EVI5: variants seen among roughly 807,000 people sequenced by gnomAD.
The protein encoded by EVI5 is ecotropic viral integration site 5 protein homolog.
Under a neutral mutation model 112.0 loss-of-function variants are expected in EVI5, and 73 were observed. That is an observed-to-expected ratio of 0.65 (90% CI 0.54 to 0.79). The LOEUF (loss-of-function observed/expected upper bound fraction) is 0.79, where lower values mean the gene tolerates loss of function less well. EVI5 is among the 30% of genes least tolerant of loss of function. The pLI, the probability that EVI5 is intolerant of heterozygous loss-of-function variation, is 0.00. For synonymous variants in EVI5, 305 were observed against 319.9 expected, an observed-to-expected ratio of 0.95 and a Z score of 0.50; for missense variants, 900 against 968.8, an observed-to-expected ratio of 0.93 and a Z score of 0.94.
At position 92,736,610 on chromosome 1, in the gene EVI5, A is replaced by C. The variant is rs767194013; in HGVS notation, c.-64T>G. The C allele has an allele frequency of 6.2e-7, 1 of 1,613,698 alleles. No individual in the cohort carries two copies. The highest frequency in any genetic ancestry group is 2.2e-5 in the East Asian group (1 of 44,882). The stretch of plus-strand genomic sequence containing the variant: ...AGAGAGTAGAGCTCAGCTTTTCTGC[A>C]ACTTTGTCTGTCGCCACCTAAGGAC... On this transcript the variant is annotated 5_prime_UTR_variant, in exon 2 of 20. Transcript: ENST00000684568.
At chr1:92,570,080 G>A (rs1270653213) in intron 18 of EVI5, among the ~76,000 whole-genome samples, 1 of 151,910 alleles carries the variant, frequency 6.6e-6, no homozygotes, top group Non-Finnish European at 1.5e-5. Flanking sequence ...AGTGAAACAG[G>A]AAGAATGTAG....
At chr1:92,677,413 A>G (rs1399568588) in intron 9 of EVI5, among the ~76,000 whole-genome samples, 195 bp from the exon 10 acceptor site, 1 of 152,234 alleles carries the variant, frequency 6.6e-6, no homozygotes, top group African/African-American at 2.4e-5. Context: ...TTTACAAATG[A>G]CAAAAATAAA....
intron 1 of EVI5, among the ~76,000 whole-genome samples, chr1:92,750,629 G>C (rs1680029350): frequency 6.6e-6 from 1 of 151,866 alleles, no homozygotes; most frequent in Non-Finnish European, 1.5e-5. Context: ...TAGAATTCCT[G>C]ACCCTCCTTT....
chr1:92,509,605 T>A lies in EVI5; in HGVS notation c.*4051A>T, dbSNP rs1282077399. 1 of 152,146 alleles carries A rather than the reference T, an allele frequency of 6.6e-6. No individual in the cohort carries two copies. Among genetic ancestry groups the A allele is most frequent in the South Asian group, 2.1e-4 (1 of 4,832 alleles). The allele number at this position is 152,146 out of a possible 1,614,324, so 9.4% of individuals were successfully genotyped here. A position where few individuals can be genotyped will look rare whatever the true frequency, so the allele number is the denominator to read the frequency against. ...ACACTACAGCCCCAAACTCCTGTAC[T>A]CTAGTGATCCTCCTGCCTCAGCCTC... On this transcript the variant is annotated 3_prime_UTR_variant, in exon 20 of 20. Transcript: ENST00000684568.
intron 5 of EVI5, among the ~76,000 whole-genome samples, chr1:92,700,354 T>C (rs1457616194): frequency 6.6e-6 from 1 of 152,222 alleles, no homozygotes; most frequent in Non-Finnish European, 1.5e-5. Flanking sequence ...TCAGACTCTC[T>C]GAGTTACATT....
At chr1:92,763,871 GAAGAA>G (rs1357050434) in intron 1 of EVI5, among the ~76,000 whole-genome samples, 1 of 152,060 alleles carries the variant, frequency 6.6e-6, no homozygotes, top group East Asian at 1.9e-4. Flanking sequence ...CTAAAGAAAG[GAAGAA>G]AAGAAGAGAA....
At chr1:92,626,338 T>G (rs952641918) in intron 14 of EVI5, among the ~76,000 whole-genome samples, 1 of 152,190 alleles carries the variant, frequency 6.6e-6, no homozygotes, top group African/African-American at 2.4e-5. Flanking sequence ...TTACTTCACT[T>G]AGAACAATGT....
intron 1 of EVI5, among the ~76,000 whole-genome samples, chr1:92,747,453 C>A (rs916916523): frequency 6.6e-6 from 1 of 151,982 alleles, no homozygotes; most frequent in African/African-American, 2.4e-5. Context: ...GTGGCTCATG[C>A]CTGTAATCCC....
At chr1:92,661,262 C>T (rs1252987512) in intron 13 of EVI5, among the ~76,000 whole-genome samples, 1 of 152,048 alleles carries the variant, frequency 6.6e-6, no homozygotes, top group Non-Finnish European at 1.5e-5. Context: ...TATTGGAAGG[C>T]TATAATTAAA....
chr1:92,516,072 C>T (rs1266869690), intron 19 of EVI5, among the ~76,000 whole-genome samples: 1 of 152,120 alleles, frequency 6.6e-6, no homozygotes, highest in Non-Finnish European at 1.5e-5. Context: ...GTTATGATAC[C>T]CACTGCATTG....
chr1:92,680,448 G>A (rs547098233), intron 9 of EVI5, among the ~76,000 whole-genome samples: 1 of 152,118 alleles, frequency 6.6e-6, no homozygotes, highest in South Asian at 2.1e-4. Flanking sequence ...AATTCACACT[G>A]ATGTAAATAA....
rs1051554959 is a variant in EVI5 at position 92,592,672 on chromosome 1, G to C, written c.2070+12635C>G. On this transcript the variant is annotated intron_variant, in intron 18 of 19. Transcript: ENST00000684568. The stretch of plus-strand genomic sequence containing the variant: ...GATCAACAAAATAAATAGACCACTA[G>C]CAAGACTAATAAAGAAGAAAAGAGA... Among the ~76,000 whole-genome samples the C allele has an allele frequency of 3.9e-5, 6 of 152,020 alleles. No individual in the cohort carries two copies. The South Asian group carries it at 1.2e-3, about 32-fold the overall frequency.
chr1:92,531,303 T>C (rs1312651855), intron 19 of EVI5, among the ~76,000 whole-genome samples: 1 of 152,112 alleles, frequency 6.6e-6, no homozygotes, highest in Non-Finnish European at 1.5e-5. Context: ...AGACCAAATC[T>C]ACGTTTGACT....
intron 18 of EVI5, among the ~76,000 whole-genome samples, chr1:92,589,340 A>C (rs1196807767): frequency 6.6e-6 from 1 of 152,146 alleles, no homozygotes; most frequent in Non-Finnish European, 1.5e-5. Context: ...GGGAAGCACA[A>C]GGGGTCAGGG....
intron 18 of EVI5, among the ~76,000 whole-genome samples, chr1:92,566,686 C>T (rs1669536179): frequency 6.6e-6 from 1 of 152,036 alleles, no homozygotes; most frequent in Non-Finnish European, 1.5e-5. Context: ...GAGATGACAG[C>T]TCCATGTGTA....
At position 92,681,721 on chromosome 1, in the gene EVI5, T is replaced by C. The variant is rs992227077; in HGVS notation, c.1098-4503A>G. Among the ~76,000 whole-genome samples the C allele has an allele frequency of 2.0e-5, 3 of 152,168 alleles. No individual in the cohort carries two copies. The South Asian group carries it at 6.2e-4, about 32-fold the overall frequency. On this transcript the variant is annotated intron_variant, in intron 9 of 19. Coordinates refer to ENST00000684568, the MANE Select transcript of EVI5 (RefSeq NM_001350197.2). ...AGGAGGACAATAACCAACAAAACGT[T>C]TGACAATGACGAAAACGTGCTAGAT...
rs1659249503 is a variant in EVI5, at chr1:92,512,530, T to C, written c.*1126A>G. The stretch of plus-strand genomic sequence containing the variant: ...TATTATTTACAGAAGTCCTGTTAGA[T>C]GCTGAAAGCAGTCATTTTGCAACAT... On this transcript the variant is annotated 3_prime_UTR_variant, in exon 20 of 20. Transcript: ENST00000684568. The C allele has an allele frequency of 1.3e-5, 2 of 152,236 alleles. No individual in the cohort carries two copies. The highest frequency in any genetic ancestry group is 4.1e-4 in the South Asian group (2 of 4,836). The allele number at this position is 152,236 out of a possible 1,614,324, so 9.4% of individuals were successfully genotyped here. A position where few individuals can be genotyped will look rare whatever the true frequency, so the allele number is the denominator to read the frequency against.
chr1:92,616,298 T>C (rs1653121789), intron 16 of EVI5, among the ~76,000 whole-genome samples: 1 of 152,172 alleles, frequency 6.6e-6, no homozygotes, highest in Admixed American at 6.5e-5. Flanking sequence ...GTAATTGCTC[T>C]TCTTAGTATG....
Position 92,530,017 on chromosome 1 carries a change from A to G in EVI5, c.2167-16047T>C, listed in dbSNP as rs552974391. On this transcript the variant is annotated intron_variant, in intron 19 of 19. Transcript: ENST00000684568. ...TTAGAGCTAAATATTTAAAATAAGC[A>G]CTGTTTAGAAAAATATGGAATAATT... Among the ~76,000 whole-genome samples, 3 of 152,306 alleles carry G rather than the reference A, an allele frequency of 2.0e-5. No homozygotes were observed. In the Middle Eastern group the frequency reaches 0.01, roughly 518 times the overall value.
Sources: gnomAD v4.1 joint callset for allele counts (sites outside exome capture counted in the v4.1 genomes callset) on GRCh38, gnomAD v4.1.1 for gene constraint, MANE v1.5 for transcripts, NCBI Gene and HGNC (gene_info 2026-07-23, HGNC 2026-07-21) for gene names.